The following ANO6 variants were observed in gnomAD, a reference collection of about 807,000 sequenced individuals.
ANO6 encodes anoctamin-6.
In ANO6, 106 loss-of-function variants were observed where a neutral mutation model predicts 117.5. That is an observed-to-expected ratio of 0.90 (90% CI 0.77 to 1.06). ANO6 has a LOEUF of 1.06. Among genes scored for constraint, ANO6 ranks in the 50% least tolerant of loss-of-function variants. ANO6 has a pLI of 0.00. For synonymous variants in ANO6, 367 were observed against 385.1 expected (o/e 0.95, Z 0.55); for missense variants, 955 against 1,121.1 (o/e 0.85, Z 2.12).
At chr12:45,327,720 C>A (rs1940518372) in intron 2 of ANO6, among the ~76,000 whole-genome samples, 1 of 151,924 alleles carries the variant, frequency 6.6e-6, no homozygotes, top group African/African-American at 2.4e-5. Context: ...AGGATGTACT[C>A]CAAAATTTTA....
downstream of ANO6, among the ~76,000 whole-genome samples, chr12:45,434,744 C>G (rs1262969267): frequency 2.0e-5 from 3 of 152,214 alleles, no homozygotes; most frequent in Non-Finnish European, 4.4e-5. Flanking sequence ...ATTTCAATTG[C>G]TCCCTAAAAG....
intron 2 of ANO6, among the ~76,000 whole-genome samples, chr12:45,316,553 G>C (rs1376235464): frequency 6.6e-6 from 1 of 152,030 alleles, no homozygotes; most frequent in Non-Finnish European, 1.5e-5. Flanking sequence ...AGATGGAATG[G>C]AGTCTTGAAT....
In ANO6 at chr12:45,231,190, T is replaced by A. The variant is rs1408036851; in HGVS notation, c.70+14799T>A. Among the ~76,000 whole-genome samples the A allele has an allele frequency of 2.0e-5, 3 of 152,164 alleles. 1 individual carries two copies. The highest frequency in any genetic ancestry group is 4.4e-5 in the Non-Finnish European group (3 of 68,036). Reference sequence around the variant, plus strand: ...CCTTAAGTATTGTTAAAGTTTGATATCAAATATAACTTATTAAAAGAGATT... The same window carrying A: ...CCTTAAGTATTGTTAAAGTTTGATAACAAATATAACTTATTAAAAGAGATT... On this transcript the variant is annotated intron_variant, in intron 1 of 19. Transcript: ENST00000320560.
chr12:45,382,725 A>G (rs150872826), intron 10 of ANO6, among the ~76,000 whole-genome samples: 2 of 152,354 alleles, frequency 1.3e-5, no homozygotes, highest in East Asian at 1.9e-4. Flanking sequence ...TGGTTATACT[A>G]TACTATAGTC....
At chr12:45,289,669 G>C (rs1047104497) in intron 1 of ANO6, among the ~76,000 whole-genome samples, 36 of 152,168 alleles carry the variant, frequency 2.4e-4, no homozygotes, top group Admixed American at 1.8e-3. Context: ...TTCTGAGTTA[G>C]AGTTTATTTG....
intron 1 of ANO6, among the ~76,000 whole-genome samples, chr12:45,278,904 G>A (rs772955279): frequency 1.3e-5 from 2 of 152,152 alleles, no homozygotes; most frequent in Non-Finnish European, 2.9e-5. Context: ...ATTTTAGGCC[G>A]TCCCTCCACC....
chr12:45,345,806 T>G (rs1215389569), intron 3 of ANO6, among the ~76,000 whole-genome samples: 5 of 152,042 alleles, frequency 3.3e-5, no homozygotes, highest in African/African-American at 1.2e-4. Flanking sequence ...TCTGGTCCAT[T>G]TTGTGCTGCT....
intron 6 of ANO6, among the ~76,000 whole-genome samples, chr12:45,349,379 A>G (rs1592998639): frequency 6.6e-6 from 1 of 152,162 alleles, no homozygotes; most frequent in Admixed American, 6.5e-5. Flanking sequence ...GACCACAGCA[A>G]CCCCTCAAAT....
At chr12:45,410,965 A>G (rs1943071433) in intron 16 of ANO6, among the ~76,000 whole-genome samples, 1 of 152,170 alleles carries the variant, frequency 6.6e-6, no homozygotes, top group African/African-American at 2.4e-5. Flanking sequence ...AGGTTTTATT[A>G]AGGGTGTAGC....
intron 2 of ANO6, among the ~76,000 whole-genome samples, chr12:45,323,905 A>G (rs946037960): frequency 1.4e-5 from 2 of 143,252 alleles, no homozygotes; most frequent in Non-Finnish European, 3.1e-5. Context: ...ACATTTTTTC[A>G]TCACTGTTTT....
chr12:45,329,251 A>G (rs1940582262), intron 2 of ANO6, among the ~76,000 whole-genome samples: 1 of 152,154 alleles, frequency 6.6e-6, no homozygotes, highest in Non-Finnish European at 1.5e-5. Flanking sequence ...GGCTAGTGAT[A>G]TTAGTTTCTC....
At position 45,216,229 on chromosome 12, in the gene ANO6, G is replaced by A. The variant is rs1947307355; in HGVS notation, c.-93G>A. On this transcript the variant is annotated 5_prime_UTR_variant, in exon 1 of 20. Transcript: ENST00000320560. ...GAGCCCAAGCGACACACGCCCCGCGGTCCCCGATCCGGCCCCTGGGAGAGC... is the reference window on the plus strand; with the variant it reads ...GAGCCCAAGCGACACACGCCCCGCGATCCCCGATCCGGCCCCTGGGAGAGC... The A allele has an allele frequency of 2.1e-6, 3 of 1,435,938 alleles. No individual in the cohort carries two copies. The highest frequency in any genetic ancestry group is 1.4e-5 in the African/African-American group (1 of 70,516). The allele number at this position is 1,435,938 out of a possible 1,614,324, so 88.9% of individuals were successfully genotyped here.
intron 19 of ANO6, among the ~76,000 whole-genome samples, chr12:45,423,769 A>G (rs1171927682): frequency 6.6e-6 from 1 of 152,204 alleles, no homozygotes; most frequent in African/African-American, 2.4e-5. Flanking sequence ...CTGAAATTCC[A>G]GTTAAAAAAT....
chr12:45,239,860 T>C (rs1236633031), intron 1 of ANO6, among the ~76,000 whole-genome samples: 1 of 152,254 alleles, frequency 6.6e-6, no homozygotes, highest in Non-Finnish European at 1.5e-5. Context: ...TCCTGAGTTC[T>C]AATTTGATTG....
chr12:45,415,069 T>A (rs1054215186), intron 16 of ANO6, among the ~76,000 whole-genome samples: 1 of 117,264 alleles, frequency 8.5e-6, no homozygotes, highest in Non-Finnish European at 1.7e-5. Flanking sequence ...ACCTGTCAGC[T>A]TTTTTTTCTT....
chr12:45,222,636 C>T (rs1158975602), intron 1 of ANO6, among the ~76,000 whole-genome samples: 3 of 152,198 alleles, frequency 2.0e-5, no homozygotes, highest in African/African-American at 7.2e-5. Context: ...AAAACAATCT[C>T]CATCTTTGAC....
intron 3 of ANO6, among the ~76,000 whole-genome samples, chr12:45,340,446 A>C (rs1165236968): frequency 6.6e-6 from 1 of 152,134 alleles, no homozygotes; most frequent in African/African-American, 2.4e-5. Flanking sequence ...GTTGCACTGC[A>C]AATGAATTTG....
In ANO6 at chr12:45,303,946, A is replaced by G. The variant is rs75302049; in HGVS notation, c.150+1853A>G. 6.3e-3 allele frequency among the ~76,000 whole-genome samples: 966 copies of G among 152,306 alleles called. 12 individuals are homozygous for G. The highest frequency in any genetic ancestry group is 0.022 in the African/African-American group (905 of 41,574). On this transcript the variant is annotated intron_variant, in intron 2 of 19. Transcript: ENST00000320560. ...ATGGCATTGAAAACTGTTAATCACA[A>G]TATCCCTGTATGTGTGGTTGATAAC...
rs1943600177 is a variant in ANO6 at position 45,430,189 on chromosome 12, C to T, written c.*878C>T. The T allele has an allele frequency of 2.0e-6, 2 of 985,410 alleles. No homozygotes were observed. Among genetic ancestry groups the T allele is most frequent in the South Asian group, 4.7e-5 (1 of 21,282 alleles). The allele number at this position is 985,410 out of a possible 1,614,324, so 61.0% of individuals were successfully genotyped here. On this transcript the variant is annotated 3_prime_UTR_variant, in exon 20 of 20. Transcript: ENST00000320560. Reference sequence around the variant, plus strand: ...CAGTGATATCACATGATTAAAATTACATTTTTATCAACATAATTGTCTGGA... The same window carrying T: ...CAGTGATATCACATGATTAAAATTATATTTTTATCAACATAATTGTCTGGA...
Sources: allele counts gnomAD v4.1 joint callset (sites outside exome capture counted in the v4.1 genomes callset), GRCh38; gene constraint gnomAD v4.1.1; transcripts MANE v1.5; gene names NCBI Gene and HGNC (gene_info 2026-07-23, HGNC 2026-07-21).